Variants in HYKK observed in about 807,000 individuals in gnomAD.
HYKK encodes hydroxylysine kinase.
Under a neutral mutation model 29.7 loss-of-function variants are expected in HYKK, and 19 were observed. The ratio of observed to expected loss-of-function variants is 0.64; its 90% CI spans 0.45 to 0.94. The LOEUF (loss-of-function observed/expected upper bound fraction) is 0.94. Among genes scored for constraint, HYKK ranks in the 40% least tolerant of loss-of-function variants. The probability of loss-of-function intolerance (pLI) is 0.00; values close to 1 mark genes in which losing one functional copy is unlikely to be tolerated. For missense variants in HYKK, 390 were observed against 443.4 expected (o/e 0.88, Z 1.08); for synonymous variants, 152 against 158.1 (o/e 0.96, Z 0.29).
At chr15:78,517,736 G>A (rs1443999058) in intron 3 of HYKK, among the ~76,000 whole-genome samples, 21 of 152,012 alleles carry the variant, frequency 1.4e-4, no homozygotes, top group Admixed American at 1.3e-3. Flanking sequence ...GATCCTTTTG[G>A]GTCATGCTTT....
intron 1 of HYKK, among the ~76,000 whole-genome samples, chr15:78,511,922 C>T (rs988336631): frequency 4.6e-5 from 7 of 152,160 alleles, no homozygotes; most frequent in Non-Finnish European, 8.8e-5. Context: ...TTCCCTTAGG[C>T]TGTAGTAATT....
intron 3 of HYKK, among the ~76,000 whole-genome samples, chr15:78,519,946 A>G (rs781488707): frequency 7.2e-5 from 11 of 152,192 alleles, no homozygotes; most frequent in Non-Finnish European, 1.2e-4. Context: ...GCCTATGGCC[A>G]CTGAACTTTC....
chr15:78,523,081 A>T (rs1352699973), intron 3 of HYKK, among the ~76,000 whole-genome samples: 4 of 152,182 alleles, frequency 2.6e-5, no homozygotes, highest in Non-Finnish European at 5.9e-5. Flanking sequence ...CAATAAGGGT[A>T]AAAAGTACCT....
intron 3 of HYKK, chr15:78,518,551 A>C (rs1246174036): frequency 2.2e-6 from 1 of 455,786 alleles, no homozygotes; most frequent in East Asian, 7.0e-5. Context: ...ACCAGTGTTT[A>C]ACGTATTTTG....
At chr15:78,531,683 C>A (rs1382823544) in intron 4 of HYKK, among the ~76,000 whole-genome samples, 3 of 152,094 alleles carry the variant, frequency 2.0e-5, no homozygotes, top group African/African-American at 7.2e-5. Context: ...AGGTGCCCAC[C>A]ACCACGCTGG....
chr15:78,518,863 C>T (rs1199252903), intron 3 of HYKK: 5 of 208,572 alleles, frequency 2.4e-5, no homozygotes, highest in East Asian at 3.1e-4. Flanking sequence ...TGCAGTGAGC[C>T]GAGATTGCAC....
chr15:78,527,799 A>G (rs979453392), intron 4 of HYKK: 8 of 1,129,788 alleles, frequency 7.1e-6, no homozygotes, highest in Admixed American at 4.2e-5. Context: ...TGCACATTAC[A>G]TATGTATGAT....
chr15:78,519,257 C>T (rs760198012), intron 3 of HYKK, among the ~76,000 whole-genome samples: 3 of 152,112 alleles, frequency 2.0e-5, no homozygotes, highest in Non-Finnish European at 2.9e-5. Flanking sequence ...GTTTATTCAA[C>T]AAATATTTAT....
intron 3 of HYKK, among the ~76,000 whole-genome samples, chr15:78,526,998 G>A (rs530288867): frequency 6.6e-5 from 10 of 152,106 alleles, no homozygotes; most frequent in East Asian, 5.8e-4. Context: ...AGCACCGGCC[G>A]GGCGAGGTGG....
chr15:78,532,807 T>A (rs12907425), intron 4 of HYKK, among the ~76,000 whole-genome samples: 47,912 of 152,032 alleles, frequency 0.32, 8,565 homozygotes, highest in Non-Finnish European at 0.42. Context: ...AATAAAAATT[T>A]AAAAATAAAA....
At chr15:78,514,631 T>C (rs939123452) in intron 2 of HYKK, among the ~76,000 whole-genome samples, 1 of 152,200 alleles carries the variant, frequency 6.6e-6, no homozygotes, top group Admixed American at 6.5e-5. Context: ...TGCTTTCATT[T>C]ACCACAGTAA....
rs2052268117 is a variant in HYKK, at chr15:78,527,553, T to C, written c.651T>C (p.His217=). Residue 217 remains histidine (H), a synonymous_variant, in exon 4 of 5, where the codon CAT becomes CAC. Coordinates refer to ENST00000388988, the MANE Select transcript of HYKK (RefSeq NM_001013619.4). ...FKEEVMTKLS[H]FRECINHGDL... ...AGGAAGTAATGACCAAATTAAGTCA[T>C]TTTCGAGAATGTGAGTATTCTCCCA... 6.2e-7 allele frequency: 1 copy of C among 1,613,774 alleles called. No individual in the cohort carries two copies. The highest frequency in any genetic ancestry group is 2.2e-5 in the East Asian group (1 of 44,878).
intron 1 of HYKK, among the ~76,000 whole-genome samples, chr15:78,511,605 G>T (rs187401269): frequency 8.4e-4 from 128 of 152,194 alleles, no homozygotes; most frequent in Admixed American, 1.6e-3. Context: ...GGCTTCTGTA[G>T]TCCCAGCCAC....
intron 2 of HYKK, among the ~76,000 whole-genome samples, chr15:78,514,103 T>G (rs577332767): frequency 1.3e-5 from 2 of 150,546 alleles, no homozygotes; most frequent in African/African-American, 4.9e-5. Context: ...GTTTTTTTGT[T>G]TTTTTTTTTA....
At position 78,510,139 on chromosome 15, in the gene HYKK, C is replaced by T. The variant is rs143021149; in HGVS notation, c.-6+2468C>T. On this transcript the variant is annotated intron_variant, in intron 1 of 4. Transcript: ENST00000388988. ...TCTTCTTTCTTTTCTTTCTTTCTTTCTTTCTTCTTTCTCTTGCTCTCTCTT... is the reference window on the plus strand; with the variant it reads ...TCTTCTTTCTTTTCTTTCTTTCTTTTTTTCTTCTTTCTCTTGCTCTCTCTT... 9.0e-3 allele frequency among the ~76,000 whole-genome samples: 1,202 copies of T among 133,884 alleles called. 19 individuals carry two copies. Among genetic ancestry groups the T allele is most frequent in the African/African-American group, 0.031 (1,136 of 36,444 alleles). 87.8% of individuals were successfully genotyped at this position (133,884 alleles called of 152,430 possible).
chr15:78,515,012 T>C lies in HYKK; in HGVS notation c.382T>C (p.Tyr128His). Reference protein sequence around the residue: ...IKSYLVRLLTYLPGRPIAELP... With the variant: ...IKSYLVRLLTHLPGRPIAELP... ...AAGCTACTTGGTGAGGCTGCTGACTTACCTCCCAGGAAGACCCATCGCTGA... is the reference window on the plus strand; with the variant it reads ...AAGCTACTTGGTGAGGCTGCTGACTCACCTCCCAGGAAGACCCATCGCTGA... The change falls in exon 3 of 5, where the codon TAC becomes CAC. Residue 128 changes from tyrosine to histidine, a missense_variant. Coordinates refer to ENST00000388988, the MANE Select transcript of HYKK (RefSeq NM_001013619.4). 1 of 1,598,942 alleles carries C rather than the reference T, an allele frequency of 6.3e-7. No homozygotes were observed. The highest frequency in any genetic ancestry group is 8.5e-7 in the Non-Finnish European group (1 of 1,171,526).
intron 3 of HYKK, chr15:78,518,485 T>G (rs1384832806): frequency 2.4e-6 from 1 of 411,164 alleles, no homozygotes; most frequent in East Asian, 7.8e-5. Flanking sequence ...CCCTTGTTTG[T>G]TTTCATTCTC....
chr15:78,528,926 T>G, intron 4 of HYKK: 1 of 852,636 alleles, frequency 1.2e-6, no homozygotes, highest in Non-Finnish European at 1.4e-6. Flanking sequence ...AAAACAGAGT[T>G]GATTTTTTCC....
At chr15:78,522,938 A>G (rs2052213286) in intron 3 of HYKK, among the ~76,000 whole-genome samples, 1 of 152,120 alleles carries the variant, frequency 6.6e-6, no homozygotes, top group Admixed American at 6.6e-5. Context: ...CAGGAGTACT[A>G]TCCTCAAAAA....
Sources: gnomAD v4.1 joint callset for allele counts (sites outside exome capture counted in the v4.1 genomes callset) on GRCh38, gnomAD v4.1.1 for gene constraint, MANE v1.5 for transcripts, NCBI Gene and HGNC (gene_info 2026-07-23, HGNC 2026-07-21) for gene names.